PADI6: variants seen among roughly 807,000 people sequenced by gnomAD.
The protein encoded by PADI6 is peptidyl arginine deiminase 6, also known as inactive protein-arginine deiminase type-6.
A neutral mutation model predicts 78.2 loss-of-function variants in PADI6; 66 were observed. That is an observed-to-expected ratio of 0.84 (90% CI 0.69 to 1.04). The LOEUF (loss-of-function observed/expected upper bound fraction) is 1.04, where lower values mean the gene tolerates loss of function less well. Among genes scored for constraint, PADI6 ranks in the 50% least tolerant of loss-of-function variants. The pLI, the probability that PADI6 is intolerant of heterozygous loss-of-function variation, is 0.00. For synonymous variants in PADI6, 397 were observed against 346.9 expected (o/e 1.14, Z -1.60); for missense variants, 854 against 866.1 (o/e 0.99, Z 0.18).
At chr1:17,377,959 G>A (rs1396559648) in intron 3 of PADI6, among the ~76,000 whole-genome samples, 2 of 152,160 alleles carry the variant, frequency 1.3e-5, no homozygotes, top group African/African-American at 4.8e-5. Flanking sequence ...GAGTAACCCT[G>A]CACTGCCTCT....
At chr1:17,385,589 T>C (rs1238801873) in intron 6 of PADI6, among the ~76,000 whole-genome samples, 1 of 152,054 alleles carries the variant, frequency 6.6e-6, no homozygotes, top group African/African-American at 2.4e-5. Context: ...TCTAAGGTGG[T>C]ATAGAACCCA....
At chr1:17,400,525 T>TG (rs1282064178) in intron 15 of PADI6, among the ~76,000 whole-genome samples, 1 of 152,084 alleles carries the variant, frequency 6.6e-6, no homozygotes, top group Non-Finnish European at 1.5e-5. Flanking sequence ...TTTGTTTGTT[T>TG]TTGTTTTTTA....
intron 14 of PADI6, 24 bp from the exon 15 acceptor site, chr1:17,398,662 C>CCCACCCCCCCCCCCA (rs1553154476): frequency 9.1e-6 from 1 of 110,468 alleles, no homozygotes; most frequent in Admixed American, 1.0e-4. Flanking sequence ...CCGCCCCCCC[C>CCCACCCCCCCCCCCA]CCCACCCACC....
At position 17,401,397 on chromosome 1, in the gene PADI6, C is replaced by T. The variant is rs375817338; in HGVS notation, c.2044C>T (p.Arg682Trp). The change falls in exon 16 of 16, where the codon CGG becomes TGG. Residue 682 changes from arginine to tryptophan, a missense_variant. Transcript: ENST00000619609. ...GDICACANIR[R>W]VPFAFKWWKM... The stretch of plus-strand genomic sequence containing the variant: ...CATCTGTGCCTGTGCCAACATCCGC[C>T]GGGTGCCCTTTGCCTTCAAATGGTG... 10 of 1,614,034 alleles carry T rather than the reference C, an allele frequency of 6.2e-6. No individual in the cohort carries two copies. Among genetic ancestry groups the T allele is most frequent in the Non-Finnish European group, 7.6e-6 (9 of 1,179,894 alleles).
intron 5 of PADI6, 120 bp downstream of exon 5, chr1:17,381,284 C>T (rs2100296150): frequency 1.3e-6 from 1 of 767,968 alleles, no homozygotes; most frequent in Non-Finnish European, 2.1e-6. Flanking sequence ...CCCCAGTCCC[C>T]ATGCCTGGGC....
intron 8 of PADI6, 82 bp from the exon 9 acceptor site, chr1:17,392,032 C>A: frequency 1.7e-6 from 2 of 1,183,738 alleles, no homozygotes; most frequent in Non-Finnish European, 1.2e-6. Flanking sequence ...AGGATGTGTT[C>A]TTCCTCTCTT....
chr1:17,396,873 C>A (rs964623045), intron 13 of PADI6, among the ~76,000 whole-genome samples, 198 bp from the exon 14 acceptor site: 3 of 152,198 alleles, frequency 2.0e-5, no homozygotes, highest in Non-Finnish European at 4.4e-5. Flanking sequence ...CCTGGGAGTT[C>A]TGGTGTAGAC....
At chr1:17,394,544 G>A in intron 11 of PADI6, 90 bp downstream of exon 11, 1 of 1,377,122 alleles carries the variant, frequency 7.3e-7, no homozygotes, top group South Asian at 1.4e-5. Context: ...ACCTCAGCAG[G>A]TCACACACAC....
At chr1:17,392,533 T>G (rs1331107818) in intron 9 of PADI6, among the ~76,000 whole-genome samples, 1 of 152,214 alleles carries the variant, frequency 6.6e-6, no homozygotes, top group Non-Finnish European at 1.5e-5. Context: ...GCTGGGCCAC[T>G]GCCCTGGGGT....
intron 6 of PADI6, among the ~76,000 whole-genome samples, chr1:17,385,559 TATG>T (rs1195524776): frequency 6.6e-6 from 1 of 152,142 alleles, no homozygotes; most frequent in East Asian, 1.9e-4. Context: ...TAGTCTGGGT[TATG>T]ATCATTGTAA....
intron 3 of PADI6, among the ~76,000 whole-genome samples, chr1:17,377,412 C>A (rs536052445): frequency 1.3e-5 from 2 of 152,190 alleles, no homozygotes. Context: ...CCCGCTGCTT[C>A]CAGTCAGTGA....
At chr1:17,378,313 G>A (rs1474601367) in intron 3 of PADI6, among the ~76,000 whole-genome samples, 3 of 152,288 alleles carry the variant, frequency 2.0e-5, no homozygotes, top group Non-Finnish European at 4.4e-5. Context: ...CGTCTTGCAC[G>A]CTGCTAGATC....
chr1:17,398,680 C>T lies in PADI6; in HGVS notation c.1690-6C>T. On this transcript the variant is annotated splice_polypyrimidine_tract_variant and splice_region_variant and intron_variant, in intron 14 of 15. Transcript: ENST00000619609. Reference sequence around the variant, plus strand: ...CCCCCCCCCCCACCCACCCACCCACCCACAGAAGTGCATTCACCTGAACCG... The same window carrying T: ...CCCCCCCCCCCACCCACCCACCCACTCACAGAAGTGCATTCACCTGAACCG... 1.7e-5 allele frequency: 8 copies of T among 471,634 alleles called. No individual in the cohort carries two copies. The highest frequency in any genetic ancestry group is 2.8e-5 in the Non-Finnish European group (8 of 284,718). 29.2% of individuals were successfully genotyped at this position (471,634 alleles called of 1,614,324 possible).
chr1:17,378,965 G>A (rs80146288), intron 3 of PADI6, among the ~76,000 whole-genome samples: 6 of 148,490 alleles, frequency 4.0e-5, no homozygotes, highest in South Asian at 2.1e-4. Flanking sequence ...TGGGGGGGGG[G>A]ACAGAATCTT....
chr1:17,387,708 G>A (rs1435704958), intron 6 of PADI6, among the ~76,000 whole-genome samples: 4 of 152,150 alleles, frequency 2.6e-5, no homozygotes, highest in African/African-American at 4.8e-5. Flanking sequence ...CTGAGATCAC[G>A]CCACTACACT....
At chr1:17,396,067 G>A (rs2075243651) in intron 13 of PADI6, among the ~76,000 whole-genome samples, 1 of 152,106 alleles carries the variant, frequency 6.6e-6, no homozygotes, top group African/African-American at 2.4e-5. Context: ...GGTGTGGCTG[G>A]TGCCATTGCA....
chr1:17,397,266 C>A (rs535073062), intron 14 of PADI6, 125 bp downstream of exon 14: 109 of 1,023,470 alleles, frequency 1.1e-4, no homozygotes, highest in South Asian at 7.9e-4. Context: ...TGCCTGCCAC[C>A]CTTTCTTCCA....
intron 14 of PADI6, among the ~76,000 whole-genome samples, chr1:17,398,244 G>T (rs1475774772): frequency 6.6e-6 from 1 of 152,346 alleles, no homozygotes; most frequent in East Asian, 1.9e-4. Context: ...CAGGGTGGGT[G>T]CCAGCCAGGC....
rs2075302675 is a variant in PADI6 at position 17,401,653 on chromosome 1, A to G, written c.*215A>G. 1.8e-6 allele frequency: 1 copy of G among 569,760 alleles called. No homozygotes were observed. Among genetic ancestry groups the G allele is most frequent in the African/African-American group, 1.9e-5 (1 of 53,342 alleles). 35.3% of individuals were successfully genotyped at this position (569,760 alleles called of 1,614,324 possible). A position where few individuals can be genotyped will look rare whatever the true frequency, so the allele number is the denominator to read the frequency against. On this transcript the variant is annotated 3_prime_UTR_variant, in exon 16 of 16. Coordinates refer to ENST00000619609, the MANE Select transcript of PADI6 (RefSeq NM_207421.4). ...GAAAAGATGCAAAAGTGTTCAGCCA[A>G]GTGACGTTTACTAAATAGCCAATAA...
Sources: gnomAD v4.1 joint callset for allele counts (sites outside exome capture counted in the v4.1 genomes callset) on GRCh38, gnomAD v4.1.1 for gene constraint, MANE v1.5 for transcripts, NCBI Gene and HGNC (gene_info 2026-07-23, HGNC 2026-07-21) for gene names.